Variants in NAV3 observed in about 807,000 individuals in gnomAD.
The protein encoded by NAV3 is pore membrane and/or filament interacting like protein 1.
In NAV3, 87 loss-of-function variants were observed where a neutral mutation model predicts 244.7. The ratio of observed to expected loss-of-function variants is 0.36; its 90% CI spans 0.30 to 0.42. The LOEUF is 0.42. Among genes scored for constraint, NAV3 ranks in the 20% least tolerant of loss-of-function variants. The pLI is 1.00. For missense variants in NAV3, 2,663 were observed against 2,893.3 expected, an observed-to-expected ratio of 0.92 and a Z score of 1.83; for synonymous variants, 1,126 against 1,042.2, an observed-to-expected ratio of 1.08 and a Z score of -1.55.
chr12:78,021,893 C>G lies in NAV3; in HGVS notation c.2023+31C>G, dbSNP rs909342054. 2.9e-6 allele frequency: 4 copies of G among 1,389,248 alleles called. No individual in the cohort carries two copies. The African/African-American group carries it at 5.8e-5, about 20-fold the overall frequency. 86.1% of individuals were successfully genotyped at this position (1,389,248 alleles called of 1,614,324 possible). On this transcript the variant is annotated intron_variant, in intron 9 of 39. Transcript: ENST00000397909. The stretch of plus-strand genomic sequence containing the variant: ...TGACCTCATCGATGCATAGGTCAAA[C>G]CTAGGAATTTCCGTATTCTCTCCAT...
chr12:78,026,952 A>G (rs927149600), intron 9 of NAV3, among the ~76,000 whole-genome samples: 1 of 152,230 alleles, frequency 6.6e-6, no homozygotes, highest in African/African-American at 2.4e-5. Context: ...AAATAATCAC[A>G]GTGAACTTAT....
At chr12:77,764,909 A>G (rs1233220639) in intron 2 of NAV3, among the ~76,000 whole-genome samples, 1 of 152,242 alleles carries the variant, frequency 6.6e-6, no homozygotes, top group Non-Finnish European at 1.5e-5. Flanking sequence ...GCATCTGGGT[A>G]TGTAGCTGCA....
intron 2 of NAV3, among the ~76,000 whole-genome samples, chr12:77,823,191 G>A (rs1386035654): frequency 6.6e-6 from 1 of 152,058 alleles, no homozygotes; most frequent in African/African-American, 2.4e-5. Context: ...TAGAAATAGA[G>A]ATCAAAGTTT....
chr12:78,041,347 A>G (rs996397231), intron 9 of NAV3, among the ~76,000 whole-genome samples: 1 of 152,248 alleles, frequency 6.6e-6, no homozygotes, highest in Non-Finnish European at 1.5e-5. Context: ...ACAGGCTGGC[A>G]GCACAATGGT....
At chr12:78,007,510 A>C (rs76587921) in intron 8 of NAV3, 65 bp downstream of exon 8, 1 of 1,499,786 alleles carries the variant, frequency 6.7e-7, no homozygotes, top group Non-Finnish European at 9.0e-7. Flanking sequence ...TCAGAGTGTA[A>C]TAGGGAAGGC....
chr12:77,575,781 T>G (rs1280291942), intron 2 of NAV3, among the ~76,000 whole-genome samples: 2 of 152,140 alleles, frequency 1.3e-5, no homozygotes, highest in Non-Finnish European at 2.9e-5. Context: ...CCATGAATAT[T>G]TTGTGTATTA....
At chr12:77,600,247 C>T (rs1043937513) in intron 2 of NAV3, among the ~76,000 whole-genome samples, 1 of 152,040 alleles carries the variant, frequency 6.6e-6, no homozygotes, top group African/African-American at 2.4e-5. Flanking sequence ...TACAGCATAT[C>T]TTTGGCATTC....
intron 2 of NAV3, among the ~76,000 whole-genome samples, chr12:77,646,309 A>G (rs555097497): frequency 2.6e-5 from 4 of 152,284 alleles, no homozygotes; most frequent in Admixed American, 2.6e-4. Context: ...TTTTAGGTGA[A>G]AAGAGTGAAA....
intron 4 of NAV3, among the ~76,000 whole-genome samples, chr12:77,967,380 G>A (rs777275685): frequency 1.8e-4 from 28 of 152,096 alleles, no homozygotes; most frequent in Non-Finnish European, 3.8e-4. Flanking sequence ...TGTAGCCTCA[G>A]ATTGATGAAG....
chr12:77,970,373 C>G (rs1892896945), intron 5 of NAV3, among the ~76,000 whole-genome samples: 1 of 152,134 alleles, frequency 6.6e-6, no homozygotes, highest in South Asian at 2.1e-4. Flanking sequence ...AGTTGTTCAA[C>G]TGTTCAGAAA....
At chr12:77,747,410 T>C (rs529786882) in intron 2 of NAV3, among the ~76,000 whole-genome samples, 5 of 152,232 alleles carry the variant, frequency 3.3e-5, no homozygotes, top group African/African-American at 4.8e-5. Context: ...TGTGGAGAAA[T>C]AGGTACACTT....
chr12:77,867,336 C>A (rs1357638705), intron 1 of NAV3, among the ~76,000 whole-genome samples: 3 of 152,196 alleles, frequency 2.0e-5, no homozygotes, highest in Non-Finnish European at 4.4e-5. Flanking sequence ...GAGGCCTCCC[C>A]AGCCACGTGG....
chr12:77,723,850 T>C (rs1176704516), intron 2 of NAV3, among the ~76,000 whole-genome samples: 5 of 142,230 alleles, frequency 3.5e-5, no homozygotes, highest in African/African-American at 1.3e-4. Flanking sequence ...ACTTAAACAG[T>C]AAGTCCTTGC....
At chr12:78,009,678 G>A (rs1168356671) in intron 8 of NAV3, among the ~76,000 whole-genome samples, 2 of 152,038 alleles carry the variant, frequency 1.3e-5, no homozygotes, top group African/African-American at 4.8e-5. Context: ...AGCCTATTTT[G>A]AAGATTGAGT....
intron 1 of NAV3, among the ~76,000 whole-genome samples, chr12:77,885,741 G>T (rs1883207453): frequency 6.6e-6 from 1 of 152,078 alleles, no homozygotes; most frequent in Non-Finnish European, 1.5e-5. Context: ...ATTCTTAAAA[G>T]AACATTGCTT....
chr12:78,144,105 T>A (rs1280732370), intron 20 of NAV3, among the ~76,000 whole-genome samples: 1 of 152,212 alleles, frequency 6.6e-6, no homozygotes, highest in East Asian at 1.9e-4. Flanking sequence ...CTGCAATAGA[T>A]GTTTTTTGAT....
chr12:77,717,002 C>A (rs1174170120), intron 2 of NAV3, among the ~76,000 whole-genome samples: 1 of 151,984 alleles, frequency 6.6e-6, no homozygotes, highest in African/African-American at 2.4e-5. Flanking sequence ...GTAAACCAAT[C>A]ATGCTTTGCA....
In NAV3 at chr12:78,006,614, C is replaced by T. The variant is rs2136562451; in HGVS notation, c.1076C>T (p.Pro359Leu). Residue 359 changes from proline to leucine, a missense_variant, in exon 8 of 40, where the codon CCC (proline) becomes CTC (leucine). Pro to Leu is a moderately conservative substitution (Grantham distance 98). Coordinates refer to ENST00000397909, the MANE Select transcript of NAV3 (RefSeq NM_001024383.2). ...AAGCAGTCAAGTACAGCCACCTCCC[C>T]CACACCATCTTCAGACAGACTGAAG... The part of the protein sequence containing the change: ...TVKQSSTATS[P>L]TPSSDRLKPP... 1 of 1,614,128 alleles carries T rather than the reference C, an allele frequency of 6.2e-7. No individual in the cohort carries two copies. The highest frequency in any genetic ancestry group is 8.5e-7 in the Non-Finnish European group (1 of 1,180,024).
At chr12:77,937,025 T>C (rs1175587409) in intron 1 of NAV3, among the ~76,000 whole-genome samples, 1 of 152,184 alleles carries the variant, frequency 6.6e-6, no homozygotes, top group Non-Finnish European at 1.5e-5. Context: ...GATTATAATA[T>C]CCTTTTGGAA....
Sources: gnomAD v4.1 joint callset for allele counts (sites outside exome capture counted in the v4.1 genomes callset) on GRCh38, gnomAD v4.1.1 for gene constraint, MANE v1.5 for transcripts, NCBI Gene and HGNC (gene_info 2026-07-23, HGNC 2026-07-21) for gene names.